The following HHAT variants were observed in gnomAD, a reference collection of about 807,000 sequenced individuals.
HHAT encodes the protein hedgehog acyltransferase, also known as protein-cysteine N-palmitoyltransferase HHAT.
In HHAT, 47 loss-of-function variants were observed where a neutral mutation model predicts 70.8. The observed-to-expected ratio is 0.66, with a 90% CI of 0.53 to 0.85. The LOEUF (loss-of-function observed/expected upper bound fraction) is 0.85, where lower values mean the gene tolerates loss of function less well. Ranked by LOEUF, HHAT falls within the 40% of genes least tolerant of loss-of-function variation. The pLI is 0.00. For missense variants in HHAT, 609 were observed against 604.8 expected, an observed-to-expected ratio of 1.01 and a Z score of -0.07; for synonymous variants, 228 against 247.6, an observed-to-expected ratio of 0.92 and a Z score of 0.74.
chr1:210,427,797 C>T (rs1324758259), intron 7 of HHAT, among the ~76,000 whole-genome samples: 2 of 151,964 alleles, frequency 1.3e-5, no homozygotes, highest in Admixed American at 6.6e-5. Context: ...GAAAGTTCTG[C>T]AGACATCTAT....
intron 11 of HHAT, among the ~76,000 whole-genome samples, chr1:210,671,903 G>A (rs564567192): frequency 2.0e-5 from 3 of 152,312 alleles, no homozygotes; most frequent in Middle Eastern, 3.4e-3. Context: ...GCAGGGCCTG[G>A]GAGAACACTG....
chr1:210,502,323 G>T (rs565438618), intron 8 of HHAT, among the ~76,000 whole-genome samples: 1 of 142,462 alleles, frequency 7.0e-6, no homozygotes, highest in African/African-American at 2.6e-5. Context: ...GGCAGAGCTT[G>T]CAGTGAGGTG....
chr1:210,473,626 TG>T (rs1254282134), intron 8 of HHAT, among the ~76,000 whole-genome samples: 1 of 152,178 alleles, frequency 6.6e-6, no homozygotes, highest in Non-Finnish European at 1.5e-5. Flanking sequence ...GCTGCCCTGA[TG>T]GAGGAAGGAA....
chr1:210,519,568 C>A lies in HHAT; in HGVS notation c.1043+6380C>A, dbSNP rs573687449. On this transcript the variant is annotated intron_variant, in intron 9 of 11. Transcript: ENST00000261458. ...TTTGAGGCAGGGTCTCCCTCTGTCA[C>A]CCAGGCTGGAGTGCAGTGGCGTGAT... Among the ~76,000 whole-genome samples the A allele has an allele frequency of 8.2e-5, 12 of 146,262 alleles. No homozygotes were observed. In the East Asian group the frequency reaches 2.4e-3, roughly 29 times the overall value.
chr1:210,631,551 C>T (rs989525511), intron 11 of HHAT, among the ~76,000 whole-genome samples: 1 of 152,214 alleles, frequency 6.6e-6, no homozygotes, highest in Non-Finnish European at 1.5e-5. Flanking sequence ...GCCCTGTTTC[C>T]AGTGTAATTA....
rs557072454 is a variant in HHAT at position 210,458,205 on chromosome 1, A to C, written c.857-6300A>C. Among the ~76,000 whole-genome samples, 9 of 152,338 alleles carry C rather than the reference A, an allele frequency of 5.9e-5. No homozygotes were observed. In the South Asian group the frequency reaches 1.9e-3, roughly 32 times the overall value. On this transcript the variant is annotated intron_variant, in intron 7 of 11. Coordinates refer to ENST00000261458, the MANE Select transcript of HHAT (RefSeq NM_018194.6). ...TTGTGAAGGTCACTTAATCCTAATC[A>C]ATCTTTGCTTTCTAATATGATATAT... is the stretch of plus-strand genomic sequence containing the variant.
At chr1:210,663,746 A>G (rs1032723764) in intron 11 of HHAT, among the ~76,000 whole-genome samples, 12 of 152,204 alleles carry the variant, frequency 7.9e-5, no homozygotes, top group African/African-American at 2.9e-4. Flanking sequence ...CTTGCTAGAG[A>G]TGCAGATTCT....
intron 7 of HHAT, among the ~76,000 whole-genome samples, chr1:210,445,002 G>A (rs1051498852): frequency 6.6e-6 from 1 of 152,060 alleles, no homozygotes; most frequent in Non-Finnish European, 1.5e-5. Flanking sequence ...ATCACACCCA[G>A]CTAATTTTTG....
At chr1:210,356,507 T>C (rs1378590842) in intron 2 of HHAT, among the ~76,000 whole-genome samples, 3 of 152,206 alleles carry the variant, frequency 2.0e-5, no homozygotes, top group Admixed American at 2.0e-4. Context: ...GAAGTATTTA[T>C]TTGAATCACT....
intron 9 of HHAT, among the ~76,000 whole-genome samples, chr1:210,577,023 A>AT (rs1657932421): frequency 6.8e-6 from 1 of 147,808 alleles, no homozygotes; most frequent in Non-Finnish European, 1.5e-5. Flanking sequence ...AAAGCAACTG[A>AT]TTTTTATGTT....
rs59554789 is a variant in HHAT at position 210,394,229 on chromosome 1, C to CTTTTTTTTTTT, written c.274-6214_274-6204dup. ...TTTTATTTTCAAAAGCATGATCTAT[C>CTTTTTTTTTTT]TTTTTTTTTTTTTTTTTTTTTTTTT... On this transcript the variant is annotated intron_variant, in intron 4 of 11. Transcript: ENST00000261458. Among the ~76,000 whole-genome samples the CTTTTTTTTTTT allele has an allele frequency of 9.3e-4, 108 of 116,286 alleles. 7 individuals are homozygous for CTTTTTTTTTTT. Among genetic ancestry groups the CTTTTTTTTTTT allele is most frequent in the Non-Finnish European group, 1.5e-3 (81 of 55,194 alleles). The allele number at this position is 116,286 out of a possible 152,430, so 76.3% of individuals were successfully genotyped here. A position where few individuals can be genotyped will look rare whatever the true frequency, so the allele number is the denominator to read the frequency against.
chr1:210,343,160 G>A (rs1571731168), intron 1 of HHAT, among the ~76,000 whole-genome samples: 1 of 152,070 alleles, frequency 6.6e-6, no homozygotes, highest in East Asian at 1.9e-4. Flanking sequence ...CTTGTGATTA[G>A]GCAAATCTGA....
intron 11 of HHAT, among the ~76,000 whole-genome samples, chr1:210,630,505 G>A (rs184839763): frequency 1.1e-4 from 17 of 152,320 alleles, no homozygotes; most frequent in African/African-American, 4.1e-4. Context: ...TTCACAGAAG[G>A]ACACAAGTGA....
At chr1:210,418,398 TG>T (rs3215542) in intron 7 of HHAT, 73 bp downstream of exon 7, 815,436 of 1,362,130 alleles carry the variant, frequency 0.6, 248,862 homozygotes, top group Admixed American at 0.69. Flanking sequence ...GGAGCTGGAG[TG>T]GGGGGTGAGC....
intron 2 of HHAT, among the ~76,000 whole-genome samples, chr1:210,357,252 A>C (rs562603228): frequency 6.6e-6 from 1 of 152,254 alleles, no homozygotes; most frequent in Admixed American, 6.5e-5. Flanking sequence ...CAGGAGCACT[A>C]CCTCAAAACA....
At chr1:210,550,387 C>CTG (rs1240994966) in intron 9 of HHAT, among the ~76,000 whole-genome samples, 1 of 149,230 alleles carries the variant, frequency 6.7e-6, no homozygotes, top group Non-Finnish European at 1.5e-5. Flanking sequence ...GCCTTTTACC[C>CTG]TGTGTGTGTC....
At chr1:210,566,076 G>A (rs1389202573) in intron 9 of HHAT, among the ~76,000 whole-genome samples, 1 of 152,040 alleles carries the variant, frequency 6.6e-6, no homozygotes, top group Admixed American at 6.5e-5. Flanking sequence ...ATAGTTAGTT[G>A]GATACTTTAT....
chr1:210,613,465 A>G (rs913028712), intron 10 of HHAT, among the ~76,000 whole-genome samples: 1 of 152,060 alleles, frequency 6.6e-6, no homozygotes, highest in African/African-American at 2.4e-5. Flanking sequence ...TCTCTATTCT[A>G]TTCCATTGGT....
At chr1:210,436,168 T>C (rs1197369678) in intron 7 of HHAT, among the ~76,000 whole-genome samples, 1 of 151,876 alleles carries the variant, frequency 6.6e-6, no homozygotes, top group Admixed American at 6.6e-5. Context: ...AATTTGGTTC[T>C]TCTGCATGTG....
Sources: gnomAD v4.1 joint callset for allele counts (sites outside exome capture counted in the v4.1 genomes callset) on GRCh38, gnomAD v4.1.1 for gene constraint, MANE v1.5 for transcripts, NCBI Gene and HGNC (gene_info 2026-07-23, HGNC 2026-07-21) for gene names.